TTF2: variants seen among roughly 807,000 people sequenced by gnomAD.
The protein encoded by TTF2 is RNA polymerase II termination factor.
In TTF2, 108 loss-of-function variants were observed where a neutral mutation model predicts 142.4. That is an observed-to-expected ratio of 0.76 (90% CI 0.65 to 0.89). The LOEUF (loss-of-function observed/expected upper bound fraction) is 0.89, where lower values mean the gene tolerates loss of function less well. Among genes scored for constraint, TTF2 ranks in the 40% least tolerant of loss-of-function variants. TTF2 has a pLI of 0.00. For synonymous variants in TTF2, 483 were observed against 506.2 expected (o/e 0.95, Z 0.61); for missense variants, 1,327 against 1,379.8 (o/e 0.96, Z 0.61).
In TTF2 at chr1:117,076,050, G is replaced by T. The variant is rs1656984322; in HGVS notation, c.1276-130G>T. 7.7e-7 allele frequency: 1 copy of T among 1,302,446 alleles called. No homozygotes were observed. The highest frequency in any genetic ancestry group is 1.5e-5 in the African/African-American group (1 of 67,212). The allele number at this position is 1,302,446 out of a possible 1,614,324, so 80.7% of individuals were successfully genotyped here. On this transcript the variant is annotated intron_variant, in intron 5 of 22. Coordinates refer to ENST00000369466, the MANE Select transcript of TTF2 (RefSeq NM_003594.4). This position sits in a 1 kb window ranked among gnomAD's most constrained non-coding sequence, Gnocchi z 4.6. ...CCAGCTGGGTTAAAATTTAAAAAAG[G>T]TTCTGGTTTTTGCACACATATTTAA...
intron 3 of TTF2, among the ~76,000 whole-genome samples, chr1:117,062,980 A>G (rs753749270): frequency 6.6e-6 from 1 of 152,204 alleles, no homozygotes; most frequent in Admixed American, 6.5e-5. Flanking sequence ...ATGGACTAAT[A>G]TATTGCATTA....
Position 117,082,109 on chromosome 1 carries a change from G to A in TTF2, c.1903+162G>A, listed in dbSNP as rs1479039453. 8.4e-6 allele frequency: 9 copies of A among 1,075,024 alleles called. No individual in the cohort carries two copies. In the East Asian group the frequency reaches 1.0e-4, roughly 12 times the overall value. The allele number at this position is 1,075,024 out of a possible 1,614,324, so 66.6% of individuals were successfully genotyped here. A position where few individuals can be genotyped will look rare whatever the true frequency, so the allele number is the denominator to read the frequency against. ...CCTATCATATCATTTCTGATGCTGA[G>A]TATGCTAATTATAAGTGATCATTTT... On this transcript the variant is annotated intron_variant, in intron 10 of 22. Coordinates refer to ENST00000369466, the MANE Select transcript of TTF2 (RefSeq NM_003594.4).
At chr1:117,072,821 A>G (rs879400915) in intron 3 of TTF2, among the ~76,000 whole-genome samples, 8 of 152,148 alleles carry the variant, frequency 5.3e-5, no homozygotes, top group Non-Finnish European at 7.3e-5. Flanking sequence ...CACAGGCACA[A>G]TCTTAGCACA....
rs1370543233 is a variant in TTF2, at chr1:117,103,131, G to C, written c.*1607G>C. 6.6e-6 allele frequency: 1 copy of C among 152,216 alleles called. No individual in the cohort carries two copies. Among genetic ancestry groups the C allele is most frequent in the African/African-American group, 2.4e-5 (1 of 41,442 alleles). The allele number at this position is 152,216 out of a possible 1,614,324, so 9.4% of individuals were successfully genotyped here. A position where few individuals can be genotyped will look rare whatever the true frequency, so the allele number is the denominator to read the frequency against. The stretch of plus-strand genomic sequence containing the variant: ...TAGGGAAGGTGAAGCCACTAGCTCA[G>C]CAGTTCTTAGCCTAGTTTTTGGCCA... On this transcript the variant is annotated 3_prime_UTR_variant, in exon 23 of 23. Transcript: ENST00000369466.
In TTF2 at chr1:117,074,890, T is replaced by C; in HGVS notation, c.306T>C (p.His102=). ...TTTAGGATCCTGATTCCAAAGAACA[T>C]TCTGTATCCAATAAGTCTCAGCATG... ...IPWQDPDSKE[H]SVSNKSQHAS... is the part of the protein sequence containing the mutation. The change falls in exon 5 of 23, where the codon CAT becomes CAC. Residue 102 remains histidine (H), a synonymous_variant. Transcript: ENST00000369466. 6.3e-7 allele frequency: 1 copy of C among 1,591,078 alleles called. No homozygotes were observed. Among genetic ancestry groups the C allele is most frequent in the Admixed American group, 1.9e-5 (1 of 53,580 alleles).
chr1:117,097,400 G>A lies in TTF2; in HGVS notation c.3236G>A (p.Gly1079Glu). Residue 1079 changes from glycine to glutamate, a missense_variant, in exon 21 of 23, where the codon GGA (glycine) becomes GAA (glutamate). Physicochemically the swap from Gly to Glu is moderately conservative, Grantham distance 98. Coordinates refer to ENST00000369466, the MANE Select transcript of TTF2 (RefSeq NM_003594.4). This position sits in a 1 kb window ranked among gnomAD's most constrained non-coding sequence, Gnocchi z 4.1. The stretch of plus-strand genomic sequence containing the variant: ...GGAGGTGTTGGTCTAAACCTGACTG[G>A]AGGAAATCACCTCTTTCTTTTGGAC... Reference protein sequence around the residue: ...LAGGVGLNLTGGNHLFLLDMH... With the variant: ...LAGGVGLNLTEGNHLFLLDMH... The A allele has an allele frequency of 6.2e-7, 1 of 1,614,136 alleles. No homozygotes were observed. Among genetic ancestry groups the A allele is most frequent in the Non-Finnish European group, 8.5e-7 (1 of 1,180,016 alleles).
At chr1:117,060,647 C>G (rs557656687) in intron 2 of TTF2, 90 bp downstream of exon 2, 47 of 1,335,202 alleles carry the variant, frequency 3.5e-5, no homozygotes, top group Non-Finnish European at 4.4e-5. Flanking sequence ...GTCACAGGGC[C>G]GAGGAGTGGT....
At chr1:117,067,206 ATTACTAGGAAGTAC>A (rs1656208818) in intron 3 of TTF2, among the ~76,000 whole-genome samples, 3 of 152,192 alleles carry the variant, frequency 2.0e-5, no homozygotes, top group Non-Finnish European at 4.4e-5. Context: ...TCAGAGCACT[ATTACTAGGAAGTAC>A]TTACTGGAGC....
chr1:117,094,743 AG>A (rs1176168139), intron 18 of TTF2: 1 of 423,900 alleles, frequency 2.4e-6, no homozygotes, highest in Admixed American at 3.2e-5. Context: ...GCCTCCTTGG[AG>A]TGTCTCAAGT....
chr1:117,068,194 A>G (rs1656295728), intron 3 of TTF2, among the ~76,000 whole-genome samples: 1 of 152,264 alleles, frequency 6.6e-6, no homozygotes, highest in South Asian at 2.1e-4. Context: ...ATACAGGGTC[A>G]AAATAAATGG....
Position 117,096,291 on chromosome 1 carries a change from G to A in TTF2, c.3178G>A (p.Gly1060Ser), listed in dbSNP as rs747173677. 2.5e-5 allele frequency: 40 copies of A among 1,614,050 alleles called. No individual in the cohort carries two copies. The East Asian group carries it at 8.2e-4, about 33-fold the overall frequency. ...DLVEAFNHSRGPQVMLISLLA... is the reference protein window; with the variant it reads ...DLVEAFNHSRSPQVMLISLLA... ...GGTAGAGGCATTTAACCACTCCAGAGGCCCTCAGGTACAAGCTGGTCACAT... is the reference window on the plus strand; with the variant it reads ...GGTAGAGGCATTTAACCACTCCAGAAGCCCTCAGGTACAAGCTGGTCACAT... The change falls in exon 20 of 23, where the codon GGC becomes AGC. Residue 1060 changes from glycine (G) to serine (S), a missense_variant. By Grantham distance (56) the Gly-to-Ser change is moderately conservative. Coordinates refer to ENST00000369466, the MANE Select transcript of TTF2 (RefSeq NM_003594.4).
rs564096528 is a variant in TTF2, at chr1:117,081,954, A to T, written c.1903+7A>T. On this transcript the variant is annotated splice_region_variant and intron_variant, in intron 10 of 22. Transcript: ENST00000369466. ...ACGTGGCTCTCCAAAGATGGTAGAC[A>T]GAAGTGCCTTAATAGCCTGCCATTC... 47 of 1,614,006 alleles carry T rather than the reference A, an allele frequency of 2.9e-5. No individual in the cohort carries two copies. Among genetic ancestry groups the T allele is most frequent in the Non-Finnish European group, 3.8e-5 (45 of 1,179,988 alleles).
At position 117,077,999 on chromosome 1, in the gene TTF2, T is replaced by C; in HGVS notation, c.1657T>C (p.Cys553Arg). ...IGQLHRSLESCPGETVVAEDP... is the reference protein window; with the variant it reads ...IGQLHRSLESRPGETVVAEDP... Reference sequence around the variant, plus strand: ...TCAACTGCATCGCTCACTTGAGTCATGTCCTGGTGAGACGGTTGTGGCAGA... The same window carrying C: ...TCAACTGCATCGCTCACTTGAGTCACGTCCTGGTGAGACGGTTGTGGCAGA... The change falls in exon 8 of 23, where the codon TGT becomes CGT. Residue 553 changes from cysteine (C) to arginine (R), a missense_variant. Cys to Arg is a radical substitution (Grantham distance 180). Coordinates refer to ENST00000369466, the MANE Select transcript of TTF2 (RefSeq NM_003594.4). 2 of 1,614,206 alleles carry C rather than the reference T, an allele frequency of 1.2e-6. No homozygotes were observed. The highest frequency in any genetic ancestry group is 1.3e-5 in the African/African-American group (1 of 75,062).
intron 18 of TTF2, among the ~76,000 whole-genome samples, chr1:117,094,884 C>T (rs776428435): frequency 6.6e-6 from 1 of 152,008 alleles, no homozygotes; most frequent in Non-Finnish European, 1.5e-5. Flanking sequence ...GGGAGGACCT[C>T]CAAGAAGAAG....
At chr1:117,089,005 G>C (rs1200379989) in intron 13 of TTF2, 23 bp downstream of exon 13, 15 of 1,583,104 alleles carry the variant, frequency 9.5e-6, no homozygotes, top group African/African-American at 2.7e-5. Context: ...TCGTGATTGT[G>C]TAAATATGAA....
In TTF2 at chr1:117,076,137, CAG is replaced by C. The variant is rs780311244; in HGVS notation, c.1276-42_1276-41del. 1 of 1,552,312 alleles carries C rather than the reference CAG, an allele frequency of 6.4e-7. No homozygotes were observed. Among genetic ancestry groups the C allele is most frequent in the Non-Finnish European group, 8.9e-7 (1 of 1,128,370 alleles). ...TTTTAATCTGAAACTATTCATCTAA[CAG>C]TGTGAGAGGAGAGATCCATTTGATG... On this transcript the variant is annotated intron_variant, in intron 5 of 22. Coordinates refer to ENST00000369466, the MANE Select transcript of TTF2 (RefSeq NM_003594.4). The surrounding 1 kb of genome is among the most constrained non-coding windows in gnomAD (Gnocchi z 4.6).
chr1:117,088,960 T>G lies in TTF2; in HGVS notation c.2320T>G (p.Leu774Val). The G allele has an allele frequency of 6.2e-7, 1 of 1,612,908 alleles. No homozygotes were observed. Among genetic ancestry groups the G allele is most frequent in the Non-Finnish European group, 8.5e-7 (1 of 1,179,564 alleles). The change falls in exon 13 of 23, where the codon TTG becomes GTG. Residue 774 changes from leucine (L) to valine (V), a missense_variant. Transcript: ENST00000369466. Reference sequence around the variant, plus strand: ...TGGAACCCCCATTCAAAACAACTTATTGGATATGTATTCGCTGCTGAAGTG... The same window carrying G: ...TGGAACCCCCATTCAAAACAACTTAGTGGATATGTATTCGCTGCTGAAGTG... ...VTGTPIQNNL[L>V]DMYSLLKFLR...
At chr1:117,083,952 T>TA in intron 10 of TTF2, 66 bp from the exon 11 acceptor site, 6 of 1,586,534 alleles carry the variant, frequency 3.8e-6, no homozygotes, top group Non-Finnish European at 5.2e-6. Context: ...CTCCATATAT[T>TA]AAAAAAGAAA....
chr1:117,106,190 T>C lies in TTF2; in HGVS notation c.*4666T>C, dbSNP rs1221533823. 6.6e-6 allele frequency: 1 copy of C among 151,752 alleles called. No individual in the cohort carries two copies. The highest frequency in any genetic ancestry group is 1.9e-4 in the East Asian group (1 of 5,170). The allele number at this position is 151,752 out of a possible 1,614,324, so 9.4% of individuals were successfully genotyped here. The stretch of plus-strand genomic sequence containing the variant: ...TAGGCATATGACCTAGACTAAAATG[T>C]CTTCATAACTACAAATGAAATCAGG... On this transcript the variant is annotated 3_prime_UTR_variant, in exon 23 of 23. Coordinates refer to ENST00000369466, the MANE Select transcript of TTF2 (RefSeq NM_003594.4).
Sources: allele counts gnomAD v4.1 joint callset (sites outside exome capture counted in the v4.1 genomes callset), GRCh38; gene constraint gnomAD v4.1.1; non-coding constraint Gnocchi (gnomAD v3.1); transcripts MANE v1.5; gene names NCBI Gene and HGNC (gene_info 2026-07-23, HGNC 2026-07-21).